Variants in DDX24 observed in about 807,000 individuals in gnomAD.
The protein encoded by DDX24 is ATP-dependent RNA helicase DDX24.
In DDX24, 24 loss-of-function variants were observed where a neutral mutation model predicts 68.9. That is an observed-to-expected ratio of 0.35 (90% CI 0.25 to 0.49). The LOEUF is 0.49. Ranked by LOEUF, DDX24 falls within the 20% of genes least tolerant of loss-of-function variation. The probability of loss-of-function intolerance (pLI) is 0.99; values close to 1 mark genes in which losing one functional copy is unlikely to be tolerated. For synonymous variants in DDX24, 395 were observed against 385.2 expected (o/e 1.03, Z -0.30); for missense variants, 989 against 1,039.0 (o/e 0.95, Z 0.66).
At chr14:94,069,368 A>G (rs1885782326) in intron 2 of DDX24, among the ~76,000 whole-genome samples, 1 of 152,202 alleles carries the variant, frequency 6.6e-6, no homozygotes, top group African/African-American at 2.4e-5. Flanking sequence ...TGAAATGGTA[A>G]TTAGAAAATT....
chr14:94,076,613 G>A (rs1225871669), intron 2 of DDX24, among the ~76,000 whole-genome samples: 3 of 151,618 alleles, frequency 2.0e-5, no homozygotes, highest in Middle Eastern at 3.4e-3. Context: ...CCCAGGAGGC[G>A]GAGGTTGCAG....
At chr14:94,073,798 C>G (rs1292665128) in intron 2 of DDX24, among the ~76,000 whole-genome samples, 1 of 151,888 alleles carries the variant, frequency 6.6e-6, no homozygotes, top group Admixed American at 6.5e-5. Flanking sequence ...AATCCCAGAA[C>G]TTTGGGAGGC....
intron 3 of DDX24, among the ~76,000 whole-genome samples, chr14:94,061,380 A>G (rs1328083136): frequency 6.6e-6 from 1 of 152,148 alleles, no homozygotes; most frequent in African/African-American, 2.4e-5. Flanking sequence ...GCACTGGGGC[A>G]CCATAATGCT....
rs528898167 is a variant in DDX24, at chr14:94,070,767, T to C, written c.719-8146A>G. Among the ~76,000 whole-genome samples, 464 of 152,258 alleles carry C rather than the reference T, an allele frequency of 3.0e-3. 1 individual carries two copies. The highest frequency in any genetic ancestry group is 4.9e-3 in the Non-Finnish European group (333 of 68,002). ...AAAAACCTAAAGTGGGGAAAGGACATTGTTTTCAACAAATGGTGCCGGGAT... is the reference window on the plus strand; with the variant it reads ...AAAAACCTAAAGTGGGGAAAGGACACTGTTTTCAACAAATGGTGCCGGGAT... On this transcript the variant is annotated intron_variant, in intron 2 of 8. Coordinates refer to ENST00000621632, the MANE Select transcript of DDX24 (RefSeq NM_020414.4).
At position 94,060,695 on chromosome 14, in the gene DDX24, A is replaced by AAC. The variant is rs373138665; in HGVS notation, c.1398-84_1398-83dup. 8,266 of 1,459,070 alleles carry AAC rather than the reference A, an allele frequency of 5.7e-3. 9 individuals carry two copies. Among genetic ancestry groups the AAC allele is most frequent in the Admixed American group, 6.8e-3 (346 of 51,234 alleles). 90.4% of individuals were successfully genotyped at this position (1,459,070 alleles called of 1,614,324 possible). A position where few individuals can be genotyped will look rare whatever the true frequency, so the allele number is the denominator to read the frequency against. ...TATAGCACACCCTACACTCATCCTA[A>AAC]ACACACACACACACACACGTACACA... On this transcript the variant is annotated intron_variant, in intron 4 of 8. Coordinates refer to ENST00000621632, the MANE Select transcript of DDX24 (RefSeq NM_020414.4).
chr14:94,051,245 CTTT>C lies in DDX24; in HGVS notation c.2523_2525del (p.Lys843del). 1 of 1,594,464 alleles carries C rather than the reference CTTT, an allele frequency of 6.3e-7. No individual in the cohort carries two copies. Among genetic ancestry groups the C allele is most frequent in the Non-Finnish European group, 8.5e-7 (1 of 1,171,496 alleles). Reference sequence around the variant, plus strand: ...GTTCCGGCTGTGGCTCCTTCGGCTTCTTTGTCTTCTTCTTCTTCTGCTTGGAGA... The same window carrying C: ...GTTCCGGCTGTGGCTCCTTCGGCTTCGTCTTCTTCTTCTTCTGCTTGGAGA... On this transcript the variant is annotated inframe_deletion, in exon 9 of 9. Coordinates refer to ENST00000621632, the MANE Select transcript of DDX24 (RefSeq NM_020414.4).
Position 94,060,405 on chromosome 14 carries a change from C to A in DDX24, c.1606G>T (p.Asp536Tyr). 11 of 1,614,138 alleles carry A rather than the reference C, an allele frequency of 6.8e-6. No homozygotes were observed. Among genetic ancestry groups the A allele is most frequent in the Non-Finnish European group, 9.3e-6 (11 of 1,180,042 alleles). Residue 536 changes from aspartate to tyrosine, a missense_variant, in exon 5 of 9, where the codon GAC becomes TAC. Around this residue, in one of 3 missense-constraint regions of DDX24, gnomAD observed 691 missense variants for 760.0 expected, o/e 0.91. Transcript: ENST00000621632. Reference protein sequence around the residue: ...TKKMDKTAKLDLLMQKIGMRG... With the variant: ...TKKMDKTAKLYLLMQKIGMRG... ...ATGCCAATTTTCTGCATAAGGAGGT[C>A]AAGTTTGGCTGTTTTATCCATTTTC...
At chr14:94,057,289 T>G (rs1307332959) in intron 6 of DDX24, 1 of 152,478 alleles carries the variant, frequency 6.6e-6, no homozygotes, top group East Asian at 1.9e-4. Flanking sequence ...CTACTATCAA[T>G]GGCAGTTAAC....
chr14:94,081,017 C>T (rs924533976), intron 1 of DDX24, 102 bp downstream of exon 1: 9 of 152,402 alleles, frequency 5.9e-5, no homozygotes, highest in Admixed American at 3.9e-4. Context: ...CTCTCTGGAC[C>T]CGGGAACCCA....
rs1464959162 is a variant in DDX24 at position 94,048,492 on chromosome 14, T to C, written c.*2699A>G. ...AGCTGTATGATCTTGGCCAAGTCAC[T>C]TCACCTCCCTGAGCCCCAATTCCCA... On this transcript the variant is annotated 3_prime_UTR_variant, in exon 9 of 9. Transcript: ENST00000621632. The C allele has an allele frequency of 6.6e-6, 1 of 152,214 alleles. No individual in the cohort carries two copies. Among genetic ancestry groups the C allele is most frequent in the African/African-American group, 2.4e-5 (1 of 41,464 alleles). 9.4% of individuals were successfully genotyped at this position (152,214 alleles called of 1,614,324 possible). A position where few individuals can be genotyped will look rare whatever the true frequency, so the allele number is the denominator to read the frequency against.
At chr14:94,054,358 C>T (rs992653943) in intron 7 of DDX24, among the ~76,000 whole-genome samples, 1 of 152,162 alleles carries the variant, frequency 6.6e-6, no homozygotes, top group Admixed American at 6.5e-5. Context: ...GTTTTGCTCC[C>T]TCAATTCCTG....
At chr14:94,068,678 G>A (rs1295392642) in intron 2 of DDX24, among the ~76,000 whole-genome samples, 1 of 152,028 alleles carries the variant, frequency 6.6e-6, no homozygotes, top group South Asian at 2.1e-4. Flanking sequence ...AGACCACAGT[G>A]GAATAAAACT....
chr14:94,051,726 A>C, intron 8 of DDX24: 2 of 390,934 alleles, frequency 5.1e-6, no homozygotes, highest in Non-Finnish European at 9.0e-6. Context: ...CAGATGAGGC[A>C]ACTCAGGGTT....
intron 6 of DDX24, chr14:94,056,886 G>A (rs763196576): frequency 6.6e-5 from 10 of 152,180 alleles, no homozygotes; most frequent in Non-Finnish European, 1.0e-4. Context: ...GTTGATTGTT[G>A]TTGTGAAGTG....
intron 2 of DDX24, among the ~76,000 whole-genome samples, chr14:94,066,452 C>A (rs2141429934): frequency 6.6e-6 from 1 of 152,308 alleles, no homozygotes; most frequent in Admixed American, 6.5e-5. Flanking sequence ...AGTTCTAGGG[C>A]CCTACCCACT....
At chr14:94,065,992 A>C (rs1028164999) in intron 2 of DDX24, among the ~76,000 whole-genome samples, 10 of 152,198 alleles carry the variant, frequency 6.6e-5, no homozygotes, top group Admixed American at 5.9e-4. Flanking sequence ...TAACAATCTG[A>C]ACAGGACCAG....
intron 2 of DDX24, among the ~76,000 whole-genome samples, chr14:94,071,539 C>T (rs1465738234): frequency 1.3e-5 from 2 of 152,072 alleles, no homozygotes; most frequent in African/African-American, 2.4e-5. Context: ...ATCCCAGCTA[C>T]TTAAGGAGGC....
At chr14:94,066,499 G>C (rs1002599030) in intron 2 of DDX24, among the ~76,000 whole-genome samples, 1 of 152,190 alleles carries the variant, frequency 6.6e-6, no homozygotes, top group Non-Finnish European at 1.5e-5. Flanking sequence ...ATGCTTTCTG[G>C]AAAGTGCCAC....
rs887967538 is a variant in DDX24 at position 94,069,095 on chromosome 14, TAAATA to T, written c.719-6479_719-6475del. The stretch of plus-strand genomic sequence containing the variant: ...ACAAAAAGCTAGTTCTTTGAAAAGA[TAAATA>T]AAATTGACAGACCATTAGCAAGATT... On this transcript the variant is annotated intron_variant, in intron 2 of 8. Transcript: ENST00000621632. 2.5e-4 allele frequency among the ~76,000 whole-genome samples: 38 copies of T among 152,118 alleles called. No homozygotes were observed. The Middle Eastern group carries it at 0.01, about 41-fold the overall frequency.
Sources: allele counts gnomAD v4.1 joint callset (sites outside exome capture counted in the v4.1 genomes callset), GRCh38; gene constraint gnomAD v4.1.1; regional missense constraint gnomAD v4.1.1; transcripts MANE v1.5; gene names NCBI Gene and HGNC (gene_info 2026-07-23, HGNC 2026-07-21).